GREB1L: variants seen among roughly 807,000 people sequenced by gnomAD.
The protein encoded by GREB1L is GREB1-like protein.
Under a neutral mutation model 200.8 loss-of-function variants are expected in GREB1L, and 17 were observed. The observed-to-expected ratio is 0.08, with a 90% CI of 0.06 to 0.13. GREB1L has a LOEUF of 0.13. Ranked by LOEUF, GREB1L falls within the 10% of genes least tolerant of loss-of-function variation. The pLI is 1.00. For missense variants in GREB1L, 1,657 were observed against 2,367.7 expected (o/e 0.70, Z 6.23); for synonymous variants, 789 against 893.0 (o/e 0.88, Z 2.08).
intron 21 of GREB1L, among the ~76,000 whole-genome samples, chr18:21,498,478 G>C (rs1035671967): frequency 2.6e-5 from 4 of 152,180 alleles, no homozygotes; most frequent in Non-Finnish European, 5.9e-5. Context: ...TCACAGAAGG[G>C]GGGTGGGGGA....
intron 1 of GREB1L, among the ~76,000 whole-genome samples, chr18:21,269,570 A>G (rs1199747552): frequency 6.6e-6 from 1 of 152,216 alleles, no homozygotes; most frequent in Non-Finnish European, 1.5e-5. Context: ...GAATGAAAAT[A>G]CAAGGCCTAT....
chr18:21,449,982 T>C (rs1360338164), intron 12 of GREB1L, 146 bp downstream of exon 12: 31 of 691,158 alleles, frequency 4.5e-5, no homozygotes, highest in Non-Finnish European at 3.0e-5. Context: ...TAATTTTAAC[T>C]TTCCCTTTCC....
chr18:21,324,803 C>G (rs1017593948), intron 1 of GREB1L, among the ~76,000 whole-genome samples: 8 of 152,194 alleles, frequency 5.3e-5, no homozygotes, highest in African/African-American at 1.9e-4. Context: ...GAGCGAGACT[C>G]TGTCTCAAAA....
intron 1 of GREB1L, among the ~76,000 whole-genome samples, chr18:21,283,531 T>A (rs1451851159): frequency 1.3e-5 from 2 of 152,220 alleles, no homozygotes; most frequent in Non-Finnish European, 2.9e-5. Context: ...GGATACAAGC[T>A]GAGAGACTTT....
intron 1 of GREB1L, among the ~76,000 whole-genome samples, chr18:21,242,987 C>T (rs1246029064): frequency 2.0e-5 from 3 of 152,054 alleles, no homozygotes; most frequent in African/African-American, 7.2e-5. Context: ...GGTTTTTTTC[C>T]TCAACACCAA....
intron 1 of GREB1L, among the ~76,000 whole-genome samples, chr18:21,306,377 C>T (rs2038700470): frequency 6.6e-6 from 1 of 152,198 alleles, no homozygotes; most frequent in African/African-American, 2.4e-5. Flanking sequence ...AATGAACCTT[C>T]TCTTCTGGTT....
At chr18:21,493,616 C>T (rs905180495) in intron 19 of GREB1L, among the ~76,000 whole-genome samples, 1 of 152,068 alleles carries the variant, frequency 6.6e-6, no homozygotes, top group African/African-American at 2.4e-5. Context: ...CCTATAATCC[C>T]AGCACTTTGG....
intron 23 of GREB1L, among the ~76,000 whole-genome samples, chr18:21,502,031 C>T (rs553581169): frequency 3.9e-5 from 6 of 152,232 alleles, no homozygotes; most frequent in East Asian, 3.9e-4. Context: ...GAGGCCAAGG[C>T]GGGCGGATCA....
At chr18:21,287,190 AAATAG>A (rs1314890742) in intron 1 of GREB1L, among the ~76,000 whole-genome samples, 3 of 152,108 alleles carry the variant, frequency 2.0e-5, no homozygotes, top group Non-Finnish European at 4.4e-5. Flanking sequence ...AACAGAAAAG[AAATAG>A]AATAGAGTAT....
At chr18:21,278,380 CAAA>C (rs550496435) in intron 1 of GREB1L, among the ~76,000 whole-genome samples, 2 of 106,304 alleles carry the variant, frequency 1.9e-5, no homozygotes, top group Non-Finnish European at 2.0e-5. Context: ...GACTCCATCT[CAAA>C]AAAAAAAAAT....
rs910086138 is a variant in GREB1L at position 21,524,485 on chromosome 18, G to A, written c.*1664G>A. 1 of 152,090 alleles carries A rather than the reference G, an allele frequency of 6.6e-6. No individual in the cohort carries two copies. The highest frequency in any genetic ancestry group is 1.5e-5 in the Non-Finnish European group (1 of 68,000). 9.4% of individuals were successfully genotyped at this position (152,090 alleles called of 1,614,324 possible). A position where few individuals can be genotyped will look rare whatever the true frequency, so the allele number is the denominator to read the frequency against. ...AGTACAGCAGAATTTTTGGTAAAGA[G>A]GTATGTTTTGAAGCAATTTGGTTTA... On this transcript the variant is annotated 3_prime_UTR_variant, in exon 33 of 33. Transcript: ENST00000424526.
chr18:21,253,582 C>T (rs1420870053), intron 1 of GREB1L, among the ~76,000 whole-genome samples: 3 of 151,826 alleles, frequency 2.0e-5, no homozygotes, highest in African/African-American at 4.8e-5. Context: ...TTTCAAAAAC[C>T]GAATATACCA....
At chr18:21,411,035 G>T (rs1194676018) in intron 7 of GREB1L, among the ~76,000 whole-genome samples, 1 of 152,078 alleles carries the variant, frequency 6.6e-6, no homozygotes, top group Admixed American at 6.6e-5. Context: ...ACAGTGAGCA[G>T]AAACTTCAAC....
chr18:21,496,391 C>A, intron 20 of GREB1L, 63 bp from the exon 21 acceptor site: 1 of 1,515,748 alleles, frequency 6.6e-7, no homozygotes, highest in Non-Finnish European at 8.9e-7. Context: ...GATCACCAGG[C>A]ACACATACAC....
chr18:21,267,318 A>G (rs551400881), intron 1 of GREB1L, among the ~76,000 whole-genome samples: 1 of 149,394 alleles, frequency 6.7e-6, no homozygotes, highest in Admixed American at 6.8e-5. Context: ...AGTAGCTGGG[A>G]TTACAGGTGC....
At chr18:21,521,111 G>A (rs1167477278) in intron 32 of GREB1L, among the ~76,000 whole-genome samples, 3 of 151,982 alleles carry the variant, frequency 2.0e-5, no homozygotes, top group African/African-American at 7.3e-5. Flanking sequence ...GCAGGAGAAT[G>A]GCGTGAACCT....
chr18:21,521,455 C>T (rs1200965244), intron 32 of GREB1L, among the ~76,000 whole-genome samples: 1 of 151,878 alleles, frequency 6.6e-6, no homozygotes. Context: ...CCTTTGAGAT[C>T]AGTGAAGAAA....
intron 1 of GREB1L, among the ~76,000 whole-genome samples, chr18:21,311,162 C>T (rs1322772964): frequency 1.3e-5 from 2 of 152,214 alleles, no homozygotes; most frequent in African/African-American, 4.8e-5. Flanking sequence ...CGAAGTTACA[C>T]TTGAATCAAG....
At chr18:21,294,175 T>G (rs2038493137) in intron 1 of GREB1L, among the ~76,000 whole-genome samples, 1 of 152,230 alleles carries the variant, frequency 6.6e-6, no homozygotes, top group African/African-American at 2.4e-5. Context: ...GTGGCTCATG[T>G]GACTGAAGAA....
Sources: allele counts gnomAD v4.1 joint callset (sites outside exome capture counted in the v4.1 genomes callset), GRCh38; gene constraint gnomAD v4.1.1; transcripts MANE v1.5; gene names NCBI Gene and HGNC (gene_info 2026-07-23, HGNC 2026-07-21).